The following KCNG3 variants were observed in gnomAD, a reference collection of about 807,000 sequenced individuals.
The protein encoded by KCNG3 is potassium voltage-gated channel modifier subfamily G member 3.
KCNG3 carries 15 observed loss-of-function variants against 29.0 expected under a neutral mutation model. That is an observed-to-expected ratio of 0.52 (90% CI 0.35 to 0.80). The LOEUF is 0.80. Among genes scored for constraint, KCNG3 ranks in the 30% least tolerant of loss-of-function variants. The pLI, the probability that KCNG3 is intolerant of heterozygous loss-of-function variation, is 0.01. For missense variants in KCNG3, 512 were observed against 605.7 expected (o/e 0.85, Z 1.62); for synonymous variants, 322 against 248.9 (o/e 1.29, Z -2.76).
the KCNG3 span, among the ~76,000 whole-genome samples, chr2:42,406,757 G>A: frequency 6.6e-6 from 1 of 151,144 alleles, no homozygotes; most frequent in Non-Finnish European, 1.5e-5. Flanking sequence ...AACATATGAG[G>A]CAGAGGTGGC....
At chr2:42,453,464 C>T (rs771958351) in intron 1 of KCNG3, among the ~76,000 whole-genome samples, 7 of 152,134 alleles carry the variant, frequency 4.6e-5, no homozygotes, top group East Asian at 1.9e-4. Flanking sequence ...AGGCTGAGCA[C>T]GCACCTTTTC....
chr2:42,433,721 G>A, the KCNG3 span, among the ~76,000 whole-genome samples: 2 of 152,056 alleles, frequency 1.3e-5, no homozygotes, highest in Non-Finnish European at 2.9e-5. Flanking sequence ...CTGGGTGACA[G>A]AACAAAACTC....
chr2:42,397,157 A>C, the KCNG3 span, among the ~76,000 whole-genome samples: 3 of 151,990 alleles, frequency 2.0e-5, no homozygotes, highest in African/African-American at 7.3e-5. Context: ...AGGCAGGAAA[A>C]TCGCTTAAAC....
At chr2:42,490,314 G>A (rs1673840415) in intron 1 of KCNG3, among the ~76,000 whole-genome samples, 1 of 152,042 alleles carries the variant, frequency 6.6e-6, no homozygotes, top group Admixed American at 6.6e-5. Flanking sequence ...GGTGGCTCAC[G>A]CCTGTAGTCC....
chr2:42,444,461 T>C lies in KCNG3; in HGVS notation c.784A>G (p.Ile262Val), dbSNP rs769611904. Reference sequence around the variant, plus strand: ...AACACAGAGATGTAATACGGCGTGATTGCCAGTAAATCAATGATGTTCAGG... The same window carrying C: ...AACACAGAGATGTAATACGGCGTGACTGCCAGTAAATCAATGATGTTCAGG... ...RPLNIIDLLA[I>V]TPYYISVLMT... Residue 262 changes from isoleucine to valine, a missense_variant, in exon 2 of 2, where the codon ATC becomes GTC. Ile to Val is a conservative substitution (Grantham distance 29). Transcript: ENST00000306078. This position sits in a 1 kb window ranked among gnomAD's most constrained non-coding sequence, Gnocchi z 5.8. The C allele has an allele frequency of 3.1e-6, 5 of 1,614,178 alleles. No individual in the cohort carries two copies. The highest frequency in any genetic ancestry group is 1.7e-5 in the Admixed American group (1 of 60,012).
At chr2:42,393,432 G>A in the KCNG3 span, among the ~76,000 whole-genome samples, 2 of 151,976 alleles carry the variant, frequency 1.3e-5, no homozygotes, top group Non-Finnish European at 2.9e-5. Context: ...GTGGTGGCGG[G>A]CACCTGTAAT....
intron 1 of KCNG3, among the ~76,000 whole-genome samples, chr2:42,459,976 A>C (rs1295724283): frequency 8.5e-5 from 4 of 47,230 alleles, no homozygotes; most frequent in Non-Finnish European, 2.0e-4. Context: ...ACTCCATCTC[A>C]AAAAGAAAAA....
At chr2:42,419,655 A>C in the KCNG3 span, among the ~76,000 whole-genome samples, 1 of 152,102 alleles carries the variant, frequency 6.6e-6, no homozygotes, top group South Asian at 2.1e-4. Flanking sequence ...CAACCTTAGC[A>C]CTCAGCTACT....
At chr2:42,435,289 C>T in the KCNG3 span, among the ~76,000 whole-genome samples, 1 of 152,088 alleles carries the variant, frequency 6.6e-6, no homozygotes, top group Non-Finnish European at 1.5e-5. Flanking sequence ...GGCTGGGCAA[C>T]AAGAGCAAAA....
the KCNG3 span, chr2:42,424,938 A>G: frequency 6.6e-6 from 1 of 152,218 alleles, no homozygotes; most frequent in Non-Finnish European, 1.5e-5. Flanking sequence ...CGCCCTCAGA[A>G]GTCCTTGCAT....
At chr2:42,432,877 A>C in the KCNG3 span, among the ~76,000 whole-genome samples, 21 of 151,842 alleles carry the variant, frequency 1.4e-4, no homozygotes, top group Middle Eastern at 3.4e-3. Flanking sequence ...ACAACAACTT[A>C]ACTCACGAAG....
At chr2:42,485,335 A>G (rs1673694589) in intron 1 of KCNG3, among the ~76,000 whole-genome samples, 1 of 152,246 alleles carries the variant, frequency 6.6e-6, no homozygotes, top group Non-Finnish European at 1.5e-5. Flanking sequence ...TTAAGCTGAG[A>G]TTGACTAAGG....
At chr2:42,452,243 AT>A (rs771771721) in intron 1 of KCNG3, among the ~76,000 whole-genome samples, 14,137 of 94,778 alleles carry the variant, frequency 0.15, 969 homozygotes, top group Middle Eastern at 0.2. Context: ...ATATATATAT[AT>A]TTTTTTTTTT....
the KCNG3 span, among the ~76,000 whole-genome samples, chr2:42,421,493 C>T: frequency 1.2e-4 from 17 of 137,554 alleles, no homozygotes; most frequent in East Asian, 1.4e-3. Context: ...CTTTTATTTT[C>T]TTCTTTTTTA....
At chr2:42,469,127 T>C (rs1270407836) in intron 1 of KCNG3, among the ~76,000 whole-genome samples, 1 of 150,994 alleles carries the variant, frequency 6.6e-6, no homozygotes, top group Non-Finnish European at 1.5e-5. Context: ...CTGGAATTAA[T>C]AGGATGGCAG....
the KCNG3 span, among the ~76,000 whole-genome samples, chr2:42,428,891 G>T: frequency 6.6e-5 from 10 of 152,202 alleles, no homozygotes; most frequent in South Asian, 1.2e-3. Flanking sequence ...AGCTGAGGTG[G>T]GCAGATCACT....
chr2:42,469,808 G>A (rs770793798), intron 1 of KCNG3: 3 of 189,888 alleles, frequency 1.6e-5, no homozygotes, highest in Admixed American at 6.2e-5. Context: ...CTGCCTGACT[G>A]CTGCCATCAT....
chr2:42,468,521 C>A (rs1269217556), intron 1 of KCNG3, among the ~76,000 whole-genome samples: 1 of 151,714 alleles, frequency 6.6e-6, no homozygotes, highest in African/African-American at 2.4e-5. Context: ...TTATAAGGTA[C>A]CTAGATATAA....
the KCNG3 span, among the ~76,000 whole-genome samples, chr2:42,398,160 T>C: frequency 3.3e-5 from 5 of 151,530 alleles, no homozygotes; most frequent in Non-Finnish European, 7.4e-5. Flanking sequence ...GAGGCGGAGC[T>C]TGCAGTGAGC....
Sources: allele counts gnomAD v4.1 joint callset (sites outside exome capture counted in the v4.1 genomes callset), GRCh38; gene constraint gnomAD v4.1.1; non-coding constraint Gnocchi (gnomAD v3.1); transcripts MANE v1.5; gene names NCBI Gene and HGNC (gene_info 2026-07-23, HGNC 2026-07-21).